Variants in HDAC4 observed in about 807,000 individuals in gnomAD.
The protein encoded by HDAC4 is histone deacetylase A.
A neutral mutation model predicts 135.1 loss-of-function variants in HDAC4; 16 were observed. That is an observed-to-expected ratio of 0.12 (90% CI 0.08 to 0.18). The LOEUF (loss-of-function observed/expected upper bound fraction) is 0.18. Among genes scored for constraint, HDAC4 ranks in the 10% least tolerant of loss-of-function variants. HDAC4 has a pLI of 1.00. For synonymous variants in HDAC4, 685 were observed against 653.4 expected (o/e 1.05, Z -0.74); for missense variants, 1,143 against 1,511.8 (o/e 0.76, Z 4.05).
chr2:239,257,121 C>T (rs1308631138), intron 2 of HDAC4, among the ~76,000 whole-genome samples: 1 of 152,054 alleles, frequency 6.6e-6, no homozygotes, highest in Non-Finnish European at 1.5e-5. Context: ...AATTTCATTT[C>T]AAATTGCCTG....
Position 239,352,705 on chromosome 2 carries a change from G to T in HDAC4, c.-6C>A. The T allele has an allele frequency of 6.4e-7, 1 of 1,557,602 alleles. No individual in the cohort carries two copies. The highest frequency in any genetic ancestry group is 2.4e-5 in the East Asian group (1 of 41,736). ...GGATGGCTTTGGGAGCTCATTGCTAGCAATGTCCACTCCTTTAAGTGATTC... is the reference window on the plus strand; with the variant it reads ...GGATGGCTTTGGGAGCTCATTGCTATCAATGTCCACTCCTTTAAGTGATTC... On this transcript the variant is annotated 5_prime_UTR_variant, in exon 2 of 27. Coordinates refer to ENST00000543185, the MANE Select transcript of HDAC4 (RefSeq NM_001378414.1). The surrounding 1 kb of genome is among the most constrained non-coding windows in gnomAD (Gnocchi z 4.4).
chr2:239,292,690 G>C (rs562306208), intron 2 of HDAC4, among the ~76,000 whole-genome samples: 8 of 152,312 alleles, frequency 5.3e-5, no homozygotes, highest in African/African-American at 1.9e-4. Flanking sequence ...AGACTAAGGC[G>C]GGAGGCTGGG....
chr2:239,055,511 G>A (rs375951514), intron 24 of HDAC4, among the ~76,000 whole-genome samples: 7 of 152,178 alleles, frequency 4.6e-5, no homozygotes, highest in East Asian at 1.9e-4. Context: ...GAGGTCAGGC[G>A]TTCCAGACCA....
intron 2 of HDAC4, among the ~76,000 whole-genome samples, chr2:239,345,875 C>A (rs111162889): frequency 0.066 from 9,813 of 148,070 alleles, 1,067 homozygotes; most frequent in African/African-American, 0.23. Flanking sequence ...CCCTAACACA[C>A]ATACACACCG....
At chr2:239,110,736 C>T (rs2038594024) in intron 14 of HDAC4, among the ~76,000 whole-genome samples, 1 of 152,208 alleles carries the variant, frequency 6.6e-6, no homozygotes, top group Admixed American at 6.5e-5. Context: ...TAGATCATAA[C>T]AACATGAAGA....
intron 1 of HDAC4, among the ~76,000 whole-genome samples, chr2:239,371,414 C>T (rs1255149281): frequency 2.6e-5 from 4 of 152,258 alleles, no homozygotes; most frequent in Non-Finnish European, 4.4e-5. Flanking sequence ...CAAGCATGCA[C>T]TTACACAACC....
intron 2 of HDAC4, among the ~76,000 whole-genome samples, chr2:239,332,442 T>C (rs1691650320): frequency 6.6e-6 from 1 of 151,652 alleles, no homozygotes; most frequent in Non-Finnish European, 1.5e-5. Context: ...GAAAGCAAAA[T>C]ACTAGCAAAT....
At chr2:239,261,607 G>C (rs1002590962) in intron 2 of HDAC4, among the ~76,000 whole-genome samples, 4 of 152,236 alleles carry the variant, frequency 2.6e-5, no homozygotes, top group Non-Finnish European at 4.4e-5. Flanking sequence ...GGTCCACAGA[G>C]GAGGAGCCTT....
At chr2:239,075,897 G>A (rs888779541) in intron 22 of HDAC4, among the ~76,000 whole-genome samples, 1 of 152,052 alleles carries the variant, frequency 6.6e-6, no homozygotes, top group Non-Finnish European at 1.5e-5. Context: ...GGTGGGTGCT[G>A]GCCACTTTCC....
intron 2 of HDAC4, among the ~76,000 whole-genome samples, chr2:239,270,774 A>G (rs899557775): frequency 1.3e-5 from 2 of 152,206 alleles, no homozygotes; most frequent in Non-Finnish European, 2.9e-5. Context: ...GACAGATGTG[A>G]GCGTTACTGT....
At position 239,285,860 on chromosome 2, in the gene HDAC4, G is replaced by A. The variant is rs1326338622; in HGVS notation, c.23-49196C>T. Among the ~76,000 whole-genome samples the A allele has an allele frequency of 6.6e-6, 1 of 152,136 alleles. No homozygotes were observed. Among genetic ancestry groups the A allele is most frequent in the Admixed American group, 6.5e-5 (1 of 15,274 alleles). On this transcript the variant is annotated intron_variant, in intron 2 of 26. Coordinates refer to ENST00000543185, the MANE Select transcript of HDAC4 (RefSeq NM_001378414.1). This position sits in a 1 kb window ranked among gnomAD's most constrained non-coding sequence, Gnocchi z 4.5. ...CTGCAGCGTTCAGGATGCAGGGGCT[G>A]GAGTCCAGGGCAGCTCCCAGGAAAT...
intron 3 of HDAC4, among the ~76,000 whole-genome samples, chr2:239,221,488 G>A (rs989714256): frequency 1.3e-5 from 2 of 152,182 alleles, no homozygotes; most frequent in Admixed American, 1.3e-4. Context: ...CCTCCCCAGG[G>A]GTTAAGAGTG....
intron 1 of HDAC4, among the ~76,000 whole-genome samples, chr2:239,364,069 G>A (rs1388248305): frequency 6.6e-6 from 1 of 152,176 alleles, no homozygotes; most frequent in Non-Finnish European, 1.5e-5. Flanking sequence ...GATACCATGT[G>A]TTGGTAAGGA....
chr2:239,208,662 C>T (rs903642595), intron 3 of HDAC4, among the ~76,000 whole-genome samples: 1 of 151,830 alleles, frequency 6.6e-6, no homozygotes, highest in Non-Finnish European at 1.5e-5. Flanking sequence ...CCCACCCCCA[C>T]CACCTGCAAA....
chr2:239,347,542 GTC>G (rs896900733), intron 2 of HDAC4, among the ~76,000 whole-genome samples: 1 of 152,160 alleles, frequency 6.6e-6, no homozygotes, highest in African/African-American at 2.4e-5. Context: ...TGAGACAACA[GTC>G]TTGCTCTGTC....
intron 13 of HDAC4, among the ~76,000 whole-genome samples, chr2:239,112,553 T>C (rs1010827626): frequency 2.6e-5 from 4 of 152,030 alleles, no homozygotes; most frequent in African/African-American, 9.7e-5. Flanking sequence ...GGGCTCTGTG[T>C]GTGGGGGGGG....
At chr2:239,060,312 C>T (rs767443670) in intron 24 of HDAC4, among the ~76,000 whole-genome samples, 5 of 152,226 alleles carry the variant, frequency 3.3e-5, no homozygotes, top group African/African-American at 9.6e-5. Flanking sequence ...CCTGGACTCA[C>T]ACAGGCTGGT....
At chr2:239,172,293 A>AAAAAAATAT (rs1278028621) in intron 5 of HDAC4, among the ~76,000 whole-genome samples, 19 of 115,044 alleles carry the variant, frequency 1.7e-4, no homozygotes, top group African/African-American at 5.6e-4. Context: ...GGTGAAAAAA[A>AAAAAAATAT]ATATATATAT....
At chr2:239,157,173 T>C (rs1173165706) in intron 6 of HDAC4, among the ~76,000 whole-genome samples, 1 of 152,160 alleles carries the variant, frequency 6.6e-6, no homozygotes, top group African/African-American at 2.4e-5. Flanking sequence ...GGCTGCTGCA[T>C]AAGGAATCAA....
Sources: gnomAD v4.1 joint callset for allele counts (sites outside exome capture counted in the v4.1 genomes callset) on GRCh38, gnomAD v4.1.1 for gene constraint, Gnocchi (gnomAD v3.1) non-coding constraint, MANE v1.5 for transcripts, NCBI Gene and HGNC (gene_info 2026-07-23, HGNC 2026-07-21) for gene names.